ROBO2: variants seen among roughly 807,000 people sequenced by gnomAD.
The protein encoded by ROBO2 is roundabout homolog 2.
A neutral mutation model predicts 160.8 loss-of-function variants in ROBO2; 53 were observed. The ratio of observed to expected loss-of-function variants is 0.33; its 90% confidence interval spans 0.26 to 0.41. The LOEUF is 0.41. Ranked by LOEUF, ROBO2 falls within the 10% of genes least tolerant of loss-of-function variation. ROBO2 has a pLI of 1.00. For synonymous variants in ROBO2, 664 were observed against 611.7 expected, an observed-to-expected ratio of 1.09 and a Z score of -1.26; for missense variants, 1,577 against 1,722.4, an observed-to-expected ratio of 0.92 and a Z score of 1.49.
chr3:76,426,297 G>A (rs2076218247), intron 2 of ROBO2, among the ~76,000 whole-genome samples: 1 of 152,070 alleles, frequency 6.6e-6, no homozygotes, highest in Non-Finnish European at 1.5e-5. Context: ...AAAATTCAAT[G>A]TGCCTCAGAT....
intron 2 of ROBO2, among the ~76,000 whole-genome samples, chr3:76,771,276 T>C (rs964553191): frequency 1.3e-5 from 2 of 151,294 alleles, no homozygotes; most frequent in Non-Finnish European, 3.0e-5. Context: ...GCTGAAATGA[T>C]ATTCTGACTA....
At chr3:76,703,066 A>G (rs1478840037) in intron 2 of ROBO2, among the ~76,000 whole-genome samples, 2 of 152,152 alleles carry the variant, frequency 1.3e-5, no homozygotes, top group Non-Finnish European at 2.9e-5. Flanking sequence ...ATAATATATC[A>G]TGAACCACTA....
intron 2 of ROBO2, among the ~76,000 whole-genome samples, chr3:77,434,042 A>G (rs966569752): frequency 1.3e-5 from 2 of 152,020 alleles, no homozygotes; most frequent in Non-Finnish European, 2.9e-5. Context: ...CGCACCAATC[A>G]TGTTGCTCTT....
chr3:77,309,267 A>G (rs1042549425), intron 2 of ROBO2, among the ~76,000 whole-genome samples: 2 of 152,202 alleles, frequency 1.3e-5, no homozygotes, highest in African/African-American at 4.8e-5. Flanking sequence ...ACGTAAATAC[A>G]TAATTCACAG....
chr3:76,766,467 G>T (rs1041760095), intron 2 of ROBO2, among the ~76,000 whole-genome samples: 1 of 151,664 alleles, frequency 6.6e-6, no homozygotes, highest in Non-Finnish European at 1.5e-5. Context: ...AGAAAGGAAA[G>T]TTAAGCAATG....
chr3:77,499,792 G>T (rs1446922709), intron 5 of ROBO2, among the ~76,000 whole-genome samples: 1 of 151,664 alleles, frequency 6.6e-6, no homozygotes, highest in East Asian at 1.9e-4. Context: ...GGGACTATAG[G>T]CGCCCACCAC....
chr3:77,014,458 A>T (rs1432695892), intron 2 of ROBO2, among the ~76,000 whole-genome samples: 4 of 152,164 alleles, frequency 2.6e-5, no homozygotes, highest in Non-Finnish European at 5.9e-5. Context: ...GAACTGCGTA[A>T]CTGTGTGTGA....
intron 2 of ROBO2, among the ~76,000 whole-genome samples, chr3:76,015,360 T>A (rs2066378157): frequency 6.6e-6 from 1 of 152,182 alleles, no homozygotes; most frequent in Non-Finnish European, 1.5e-5. Context: ...GAGTTCGCAA[T>A]GATGTTACAC....
chr3:76,301,251 A>T (rs1188947821), intron 2 of ROBO2, among the ~76,000 whole-genome samples: 2 of 152,118 alleles, frequency 1.3e-5, no homozygotes, highest in South Asian at 2.1e-4. Context: ...AAGGGGTAAA[A>T]GCAGCTATTT....
At chr3:77,088,031 C>T (rs1269184928) in intron 1 of ROBO2, among the ~76,000 whole-genome samples, 2 of 152,118 alleles carry the variant, frequency 1.3e-5, no homozygotes, top group Admixed American at 6.6e-5. Context: ...CACTGGGGCC[C>T]ACTTGCTCAG....
At chr3:77,146,999 T>C (rs961250437) in intron 2 of ROBO2, among the ~76,000 whole-genome samples, 1 of 151,656 alleles carries the variant, frequency 6.6e-6, no homozygotes, top group Non-Finnish European at 1.5e-5. Flanking sequence ...ACAAGAAAAA[T>C]GGCCAAGATT....
intron 6 of ROBO2, among the ~76,000 whole-genome samples, chr3:77,537,096 T>G (rs2092155214): frequency 1.4e-5 from 1 of 69,394 alleles, no homozygotes; most frequent in Non-Finnish European, 2.9e-5. Context: ...TATACATATT[T>G]TGTGGGGGGG....
chr3:75,957,215 A>G (rs1214870259), intron 2 of ROBO2, among the ~76,000 whole-genome samples: 1 of 138,522 alleles, frequency 7.2e-6, no homozygotes, highest in East Asian at 2.2e-4. Context: ...ATACACGCAC[A>G]CACACACAAA....
chr3:76,099,020 G>A lies in ROBO2; in HGVS notation c.109+161418G>A, dbSNP rs193001780. ...TTTTCACTCATAATCAATATAGCTAGGTGACAGTGGGCATCTATTTTTCAT... is the reference window on the plus strand; with the variant it reads ...TTTTCACTCATAATCAATATAGCTAAGTGACAGTGGGCATCTATTTTTCAT... On this transcript the variant is annotated intron_variant, in intron 2 of 26. Coordinates refer to the ROBO2 transcript ENST00000487694. 1.4e-3 allele frequency among the ~76,000 whole-genome samples: 215 copies of A among 152,240 alleles called. 1 individual carries two copies. The highest frequency in any genetic ancestry group is 4.1e-3 in the Admixed American group (63 of 15,288).
At chr3:77,068,271 G>A (rs2067066141) in intron 1 of ROBO2, among the ~76,000 whole-genome samples, 1 of 151,918 alleles carries the variant, frequency 6.6e-6, no homozygotes, top group Non-Finnish European at 1.5e-5. Context: ...ATATATTTTT[G>A]TGACAAAAGA....
chr3:77,574,041 T>C (rs1055124463), intron 13 of ROBO2, among the ~76,000 whole-genome samples: 1 of 151,898 alleles, frequency 6.6e-6, no homozygotes, highest in African/African-American at 2.4e-5. Flanking sequence ...TGTGTTTTGA[T>C]TGAGTGATGA....
At chr3:77,046,018 TTTAAG>T (rs2064628418) in intron 1 of ROBO2, among the ~76,000 whole-genome samples, 1 of 152,234 alleles carries the variant, frequency 6.6e-6, no homozygotes, top group Non-Finnish European at 1.5e-5. Context: ...TTGATGAACA[TTTAAG>T]TTATTTCCAT....
intron 2 of ROBO2, among the ~76,000 whole-genome samples, chr3:76,524,257 C>T (rs973255456): frequency 6.6e-6 from 1 of 151,896 alleles, no homozygotes; most frequent in East Asian, 1.9e-4. Flanking sequence ...ACAAAATATC[C>T]TCTATTTGGA....
intron 2 of ROBO2, among the ~76,000 whole-genome samples, chr3:76,098,540 C>A (rs1307335510): frequency 7.6e-6 from 1 of 131,300 alleles, no homozygotes; most frequent in Non-Finnish European, 1.7e-5. Context: ...GATCATTAGT[C>A]TTTCTGATAA....
Sources: allele counts gnomAD v4.1 joint callset (sites outside exome capture counted in the v4.1 genomes callset), GRCh38; gene constraint gnomAD v4.1.1; transcripts MANE v1.5; gene names NCBI Gene and HGNC (gene_info 2026-07-23, HGNC 2026-07-21).